GSDME: variants seen among roughly 807,000 people sequenced by gnomAD.
GSDME encodes the protein gasdermin E.
GSDME carries 44 observed loss-of-function variants against 47.5 expected under a neutral mutation model. That is an observed-to-expected ratio of 0.93 (90% confidence interval 0.73 to 1.19). The LOEUF is 1.19. Among genes scored for constraint, GSDME ranks in the 50% most tolerant of loss-of-function variants. GSDME has a pLI of 0.00. For synonymous variants in GSDME, 258 were observed against 252.8 expected, an observed-to-expected ratio of 1.02 and a Z score of -0.20; for missense variants, 663 against 604.2, an observed-to-expected ratio of 1.10 and a Z score of -1.02.
the GSDME span, among the ~76,000 whole-genome samples, chr7:24,788,479 T>G: frequency 6.6e-6 from 1 of 152,334 alleles, no homozygotes; most frequent in Middle Eastern, 3.4e-3. This position sits in a 1 kb window ranked among gnomAD's most constrained non-coding sequence, Gnocchi z 4.6. Flanking sequence ...GCTCACAGCC[T>G]TATAAGTAGT....
At chr7:24,775,668 A>G in the GSDME span, among the ~76,000 whole-genome samples, 1 of 151,976 alleles carries the variant, frequency 6.6e-6, no homozygotes, top group African/African-American at 2.4e-5. Context: ...CGAGGTCAGG[A>G]GTTTGAGACC....
chr7:24,770,873 C>A, the GSDME span, among the ~76,000 whole-genome samples: 3 of 140,488 alleles, frequency 2.1e-5, no homozygotes, highest in Non-Finnish European at 1.6e-5. The surrounding 1 kb of genome is among the most constrained non-coding windows in gnomAD (Gnocchi z 4.6). Context: ...AGAAAAAAGG[C>A]TGAAAAAAAA....
At chr7:24,731,739 C>T (rs530957743) in intron 3 of GSDME, among the ~76,000 whole-genome samples, 2 of 152,280 alleles carry the variant, frequency 1.3e-5, no homozygotes, top group South Asian at 2.1e-4. Context: ...ACAGTAACAC[C>T]GATCCCATTT....
the GSDME span, among the ~76,000 whole-genome samples, chr7:24,783,300 C>T: frequency 1.3e-5 from 2 of 152,142 alleles, no homozygotes; most frequent in Non-Finnish European, 2.9e-5. Context: ...TAGCTGTAAG[C>T]AAGTTACCTA....
rs1788737206 is a variant in GSDME, at chr7:24,698,767, C to A, written c.*259G>T. ...AACGTCTGAATGTATGCTAAGAATT[C>A]TCCGCCCTCCCAGCTCTTTACATGC... On this transcript the variant is annotated 3_prime_UTR_variant, in exon 10 of 10. Transcript: ENST00000645220. The A allele has an allele frequency of 5.8e-6, 3 of 515,044 alleles. No homozygotes were observed. Among genetic ancestry groups the A allele is most frequent in the Admixed American group, 6.4e-5 (2 of 31,118 alleles). The allele number at this position is 515,044 out of a possible 1,614,324, so 31.9% of individuals were successfully genotyped here.
chr7:24,738,478 A>G (rs1354825922), intron 3 of GSDME, among the ~76,000 whole-genome samples: 2 of 152,208 alleles, frequency 1.3e-5, no homozygotes, highest in African/African-American at 2.4e-5. Flanking sequence ...AGAGGACACA[A>G]AAAACATGGA....
rs533809333 is a variant in GSDME, at chr7:24,739,923, T to C, written c.404+4639A>G. Among the ~76,000 whole-genome samples, 20 of 152,126 alleles carry C rather than the reference T, an allele frequency of 1.3e-4. No homozygotes were observed. The East Asian group carries it at 3.9e-3, about 29-fold the overall frequency. On this transcript the variant is annotated intron_variant, in intron 3 of 9. Transcript: ENST00000645220. The surrounding 1 kb of genome is among the most constrained non-coding windows in gnomAD (Gnocchi z 5.1). ...GCCTGGCCAATATGGTGAAACCCCA[T>C]CTCTACTAAAAATACAAAAATTAGC... is the stretch of plus-strand genomic sequence containing the variant.
chr7:24,710,681 C>A, intron 5 of GSDME: 1 of 376,276 alleles, frequency 2.7e-6, no homozygotes, highest in Non-Finnish European at 4.9e-6. Flanking sequence ...ATTATTTTAT[C>A]CTGATTTGAA....
At position 24,756,542 on chromosome 7, in the gene GSDME, T is replaced by C. The variant is rs1227086749; in HGVS notation, c.-20+854A>G. ...CTCCAACCCCACAGCACTCCTTTCA[T>C]TCCACTTGGACTTGCCCCACCTGCC... On this transcript the variant is annotated intron_variant, in intron 1 of 9. Transcript: ENST00000645220. The surrounding 1 kb of genome is among the most constrained non-coding windows in gnomAD (Gnocchi z 4.2). Among the ~76,000 whole-genome samples, 3 of 152,222 alleles carry C rather than the reference T, an allele frequency of 2.0e-5. No individual in the cohort carries two copies. The highest frequency in any genetic ancestry group is 4.4e-5 in the Non-Finnish European group (3 of 68,038).
chr7:24,758,845 T>C (rs1289792381), upstream of GSDME, among the ~76,000 whole-genome samples: 1 of 152,208 alleles, frequency 6.6e-6, no homozygotes, highest in Non-Finnish European at 1.5e-5. This position sits in a 1 kb window ranked among gnomAD's most constrained non-coding sequence, Gnocchi z 4.6. Flanking sequence ...TCCTCTCCTG[T>C]AAAATGTCAG....
intron 3 of GSDME, among the ~76,000 whole-genome samples, chr7:24,737,158 G>C (rs963872009): frequency 6.6e-6 from 1 of 151,740 alleles, no homozygotes; most frequent in Non-Finnish European, 1.5e-5. Flanking sequence ...ATAAAGATTA[G>C]AACAGATATA....
intron 2 of GSDME, among the ~76,000 whole-genome samples, chr7:24,747,823 A>G (rs1045799940): frequency 2.0e-5 from 3 of 151,842 alleles, no homozygotes; most frequent in Admixed American, 6.6e-5. Flanking sequence ...GTATGCCACC[A>G]TGCCTGGCTA....
At position 24,719,193 on chromosome 7, in the gene GSDME, G is replaced by T. The variant is rs1562697643; in HGVS notation, c.430C>A (p.Leu144Ile). Reference sequence around the variant, plus strand: ...TTCCTTCCTTCCAGCACCTGCTGGAGCACAGGGTTTCTCAGATTTATTGTT... The same window carrying T: ...TTCCTTCCTTCCAGCACCTGCTGGATCACAGGGTTTCTCAGATTTATTGTT... ...ERTINLRNPVLQQVLEGRNEV... is the reference protein window; with the variant it reads ...ERTINLRNPVIQQVLEGRNEV... The change falls in exon 4 of 10, where the codon CTC becomes ATC. Residue 144 changes from leucine to isoleucine, a missense_variant. Physicochemically the swap from Leu to Ile is conservative, Grantham distance 5. Transcript: ENST00000645220. The T allele has an allele frequency of 9.9e-6, 16 of 1,612,878 alleles. No individual in the cohort carries two copies. Among genetic ancestry groups the T allele is most frequent in the Admixed American group, 1.7e-5 (1 of 60,008 alleles).
At chr7:24,792,839 A>G in the GSDME span, among the ~76,000 whole-genome samples, 8 of 152,040 alleles carry the variant, frequency 5.3e-5, no homozygotes, top group African/African-American at 1.9e-4. Flanking sequence ...CGTAATTTTC[A>G]GGCTGGTGCT....
chr7:24,777,439 C>G, the GSDME span, among the ~76,000 whole-genome samples: 1 of 152,126 alleles, frequency 6.6e-6, no homozygotes, highest in East Asian at 1.9e-4. Context: ...ATAGATGGCT[C>G]TTAGGGGAAG....
chr7:24,707,931 A>AG, intron 7 of GSDME, 196 bp downstream of exon 7: 1 of 642,486 alleles, frequency 1.6e-6, no homozygotes, highest in South Asian at 2.1e-5. Context: ...AGGCAGCCCT[A>AG]GGAAATTAAC....
In GSDME at chr7:24,755,430, C is replaced by A. The variant is rs572030061; in HGVS notation, c.-20+1966G>T. 2.0e-5 allele frequency among the ~76,000 whole-genome samples: 3 copies of A among 152,316 alleles called. No homozygotes were observed. In the South Asian group the frequency reaches 6.2e-4, roughly 32 times the overall value. On this transcript the variant is annotated intron_variant, in intron 1 of 9. Transcript: ENST00000645220. ...ACGAGGATACTCAATCACAGAACTT[C>A]CCCTGCTTCCCTGACCACATCCAAT...
the GSDME span, among the ~76,000 whole-genome samples, chr7:24,787,693 T>G: frequency 6.6e-6 from 1 of 152,114 alleles, no homozygotes; most frequent in African/African-American, 2.4e-5. This position sits in a 1 kb window ranked among gnomAD's most constrained non-coding sequence, Gnocchi z 5.0. Flanking sequence ...TTTTTGTTTT[T>G]TGTGGGTTTA....
At chr7:24,717,599 C>T (rs760740751) in intron 4 of GSDME, among the ~76,000 whole-genome samples, 1 of 152,100 alleles carries the variant, frequency 6.6e-6, no homozygotes, top group African/African-American at 2.4e-5. Context: ...GGCATCAAAG[C>T]GAGATTATAG....
Sources: gnomAD v4.1 joint callset for allele counts (sites outside exome capture counted in the v4.1 genomes callset) on GRCh38, gnomAD v4.1.1 for gene constraint, Gnocchi (gnomAD v3.1) non-coding constraint, MANE v1.5 for transcripts, NCBI Gene and HGNC (gene_info 2026-07-23, HGNC 2026-07-21) for gene names.